PRSS3: variants seen among roughly 807,000 people sequenced by gnomAD.
The protein encoded by PRSS3 is trypsin-3.
In PRSS3, 14 loss-of-function variants were observed where a neutral mutation model predicts 20.8. That is an observed-to-expected ratio of 0.67 (90% CI 0.44 to 1.05). The LOEUF (loss-of-function observed/expected upper bound fraction) is 1.05, where lower values mean the gene tolerates loss of function less well. PRSS3 is among the 50% of genes least tolerant of loss of function. PRSS3 has a pLI of 0.00. For synonymous variants in PRSS3, 91 were observed against 117.6 expected (o/e 0.77, Z 1.46); for missense variants, 237 against 306.4 (o/e 0.77, Z 1.69).
At chr9:33,754,110 G>A (rs1822824595) in intron 1 of PRSS3, among the ~76,000 whole-genome samples, 1 of 147,822 alleles carries the variant, frequency 6.8e-6, no homozygotes, top group Non-Finnish European at 1.5e-5. Context: ...TCTTTCTTTT[G>A]AGATGGAGTC....
chr9:33,780,894 C>T (rs1464626782), intron 1 of PRSS3, among the ~76,000 whole-genome samples: 2 of 152,172 alleles, frequency 1.3e-5, no homozygotes, highest in African/African-American at 4.8e-5. Context: ...ACAAGTTCTT[C>T]TTGGCCTATG....
At position 33,796,676 on chromosome 9, in the gene PRSS3, T is replaced by C. The variant is rs758764290; in HGVS notation, c.74T>C (p.Val25Ala). The change falls in exon 2 of 5, where the codon GTT (valine) becomes GCT (alanine). Residue 25 changes from valine to alanine, a missense_variant. By Grantham distance (64) the Val-to-Ala change is moderately conservative. Coordinates refer to ENST00000379405, the MANE Select transcript of PRSS3 (RefSeq NM_002771.4). ...AVPFDDDDKIVGGYTCEENSL... is the reference protein window; with the variant it reads ...AVPFDDDDKIAGGYTCEENSL... ...CCCTTTGACGATGATGACAAGATTG[T>C]TGGGGGCTACACCTGTGAGGAGAAT... 5 of 1,613,198 alleles carry C rather than the reference T, an allele frequency of 3.1e-6. No homozygotes were observed. Among genetic ancestry groups the C allele is most frequent in the East Asian group, 4.5e-5 (2 of 44,868 alleles).
At chr9:33,787,050 C>T (rs1824442423) in intron 1 of PRSS3, among the ~76,000 whole-genome samples, 1 of 152,136 alleles carries the variant, frequency 6.6e-6, no homozygotes, top group Admixed American at 6.5e-5. Context: ...GTGTTCTATC[C>T]ACAGTCAGGA....
rs1222715992 is a variant in PRSS3 at position 33,796,626 on chromosome 9, TC to T, written c.41-15del. ...CATGCTACTGACTTGCCTTCTCCCT[TC>T]CTATTTCCACTCCAGTTGCTGTCCC... is the stretch of plus-strand genomic sequence containing the variant. On this transcript the variant is annotated splice_polypyrimidine_tract_variant and intron_variant, in intron 1 of 4. Coordinates refer to ENST00000379405, the MANE Select transcript of PRSS3 (RefSeq NM_002771.4). The T allele has an allele frequency of 1.9e-6, 3 of 1,613,868 alleles. No homozygotes were observed. The highest frequency in any genetic ancestry group is 1.7e-6 in the Non-Finnish European group (2 of 1,179,776).
At chr9:33,760,990 C>A (rs761635269) in intron 1 of PRSS3, among the ~76,000 whole-genome samples, 1 of 152,184 alleles carries the variant, frequency 6.6e-6, no homozygotes, top group Non-Finnish European at 1.5e-5. Flanking sequence ...AATGCCTCCC[C>A]CTCTGTGAGG....
intron 1 of PRSS3, among the ~76,000 whole-genome samples, chr9:33,774,974 G>A (rs1338702648): frequency 3.4e-5 from 5 of 149,220 alleles, no homozygotes; most frequent in Non-Finnish European, 5.9e-5. Context: ...CAACAAGAGC[G>A]AAACTCCATC....
intron 1 of PRSS3, among the ~76,000 whole-genome samples, chr9:33,759,981 AG>A (rs1823115423): frequency 6.6e-6 from 1 of 152,174 alleles, no homozygotes; most frequent in African/African-American, 2.4e-5. Context: ...ACTTTTTCCA[AG>A]AGGTGGAGAA....
Position 33,797,837 on chromosome 9 carries a change from A to G in PRSS3, c.209A>G (p.Gln70Arg). ...CCTGCCCTGCCCATCAGCCGCATCCAGGTGAGACTGGGAGAGCACAACATC... is the reference window on the plus strand; with the variant it reads ...CCTGCCCTGCCCATCAGCCGCATCCGGGTGAGACTGGGAGAGCACAACATC... ...SAAHCYKTRI[Q>R]VRLGEHNIKV... The change falls in exon 3 of 5, where the codon CAG (glutamine) becomes CGG (arginine). Residue 70 changes from glutamine (Q) to arginine (R), a missense_variant. Gln to Arg is a conservative substitution (Grantham distance 43). Transcript: ENST00000379405. 1.2e-6 allele frequency: 2 copies of G among 1,614,272 alleles called. No homozygotes were observed. Among genetic ancestry groups the G allele is most frequent in the East Asian group, 2.2e-5 (1 of 44,880 alleles).
At chr9:33,768,915 T>C (rs1434291502) in intron 1 of PRSS3, among the ~76,000 whole-genome samples, 1 of 152,156 alleles carries the variant, frequency 6.6e-6, no homozygotes, top group Non-Finnish European at 1.5e-5. Flanking sequence ...AGAGAATACA[T>C]GTATCATCAG....
chr9:33,758,521 A>G (rs752967186), intron 1 of PRSS3, among the ~76,000 whole-genome samples: 27 of 152,254 alleles, frequency 1.8e-4, no homozygotes, highest in Non-Finnish European at 3.1e-4. Flanking sequence ...ACATAAGTGC[A>G]GTCTCTCTTA....
chr9:33,788,158 A>G (rs1824488238), intron 1 of PRSS3, among the ~76,000 whole-genome samples: 1 of 152,214 alleles, frequency 6.6e-6, no homozygotes, highest in Non-Finnish European at 1.5e-5. Flanking sequence ...TTATCTCAGG[A>G]TGTTACATTC....
chr9:33,792,705 C>T (rs1047639620), upstream of PRSS3, among the ~76,000 whole-genome samples: 2 of 152,134 alleles, frequency 1.3e-5, no homozygotes, highest in African/African-American at 4.8e-5. Flanking sequence ...CATTTAATCA[C>T]CTGGAAAATG....
upstream of PRSS3, chr9:33,794,662 C>G (rs1462244386): frequency 4.9e-6 from 7 of 1,429,706 alleles, no homozygotes; most frequent in African/African-American, 1.0e-4. Flanking sequence ...GGTCCAAACT[C>G]TGACATCTGA....
chr9:33,791,691 C>A (rs1359267940), upstream of PRSS3, among the ~76,000 whole-genome samples: 2 of 152,106 alleles, frequency 1.3e-5, no homozygotes, highest in East Asian at 3.8e-4. Context: ...CTCTAATAGG[C>A]CAAACAAGAG....
At chr9:33,780,089 C>A (rs997032914) in intron 1 of PRSS3, among the ~76,000 whole-genome samples, 1 of 151,712 alleles carries the variant, frequency 6.6e-6, no homozygotes, top group Non-Finnish European at 1.5e-5. Context: ...CTATATAAGA[C>A]AACTATCCCC....
intron 1 of PRSS3, among the ~76,000 whole-genome samples, chr9:33,780,161 G>C (rs989412493): frequency 2.0e-5 from 3 of 152,026 alleles, no homozygotes; most frequent in Non-Finnish European, 4.4e-5. Context: ...TCTAAAGGCA[G>C]CTAGAGTGAA....
At chr9:33,763,355 G>C (rs918522806) in intron 1 of PRSS3, among the ~76,000 whole-genome samples, 2 of 152,146 alleles carry the variant, frequency 1.3e-5, no homozygotes, top group African/African-American at 4.8e-5. Flanking sequence ...AAAATTTTAA[G>C]ATTTAATGCA....
chr9:33,756,051 A>C (rs138567390), intron 1 of PRSS3, among the ~76,000 whole-genome samples: 209 of 152,230 alleles, frequency 1.4e-3, no homozygotes, highest in Non-Finnish European at 2.5e-3. Context: ...CCTTTTTCTT[A>C]AAGAAGGCTC....
intron 1 of PRSS3, among the ~76,000 whole-genome samples, chr9:33,773,769 G>A (rs10971697): frequency 0.23 from 34,944 of 151,948 alleles, 4,665 homozygotes; most frequent in East Asian, 0.54. Flanking sequence ...TCAGCCTCCC[G>A]AGTAGCTTGG....
Sources: allele counts gnomAD v4.1 joint callset (sites outside exome capture counted in the v4.1 genomes callset), GRCh38; gene constraint gnomAD v4.1.1; transcripts MANE v1.5; gene names NCBI Gene and HGNC (gene_info 2026-07-23, HGNC 2026-07-21).